DNAH11: variants seen among roughly 807,000 people sequenced by gnomAD.
DNAH11 encodes the protein dynein axonemal heavy chain 11, also known as axonemal beta dynein heavy chain 11.
A neutral mutation model predicts 526.0 loss-of-function variants in DNAH11; 442 were observed. The ratio of observed to expected loss-of-function variants is 0.84; its 90% CI spans 0.78 to 0.91. DNAH11 has a LOEUF of 0.91. Among genes scored for constraint, DNAH11 ranks in the 40% least tolerant of loss-of-function variants. The probability of loss-of-function intolerance (pLI) is 0.00; values close to 1 mark genes in which losing one functional copy is unlikely to be tolerated. For missense variants in DNAH11, 6,989 were observed against 5,448.7 expected (o/e 1.28, Z -8.90); for synonymous variants, 2,461 against 1,935.9 (o/e 1.27, Z -7.12).
intron 25 of DNAH11, among the ~76,000 whole-genome samples, chr7:21,628,275 C>G (rs1786445318): frequency 6.6e-6 from 1 of 151,938 alleles, no homozygotes; most frequent in South Asian, 2.1e-4. Flanking sequence ...GTTTGAATGC[C>G]TTTTATTTCT....
At chr7:21,714,739 A>G (rs1784587357) in intron 42 of DNAH11, among the ~76,000 whole-genome samples, 1 of 152,094 alleles carries the variant, frequency 6.6e-6, no homozygotes, top group African/African-American at 2.4e-5. Flanking sequence ...ATCACTAACC[A>G]TTTTACCTCA....
chr7:21,692,050 C>T (rs1022899443), intron 35 of DNAH11, among the ~76,000 whole-genome samples: 14 of 152,138 alleles, frequency 9.2e-5, no homozygotes, highest in South Asian at 2.1e-4. Flanking sequence ...GTATCCGTTA[C>T]GATTCACTTA....
chr7:21,829,776 A>G (rs1275587825), intron 65 of DNAH11, among the ~76,000 whole-genome samples: 4 of 152,190 alleles, frequency 2.6e-5, no homozygotes, highest in Non-Finnish European at 4.4e-5. Flanking sequence ...ATTTCAGATA[A>G]TAATCTCTAA....
intron 63 of DNAH11, among the ~76,000 whole-genome samples, chr7:21,809,183 T>C (rs796362169): frequency 2.8e-4 from 43 of 152,348 alleles, no homozygotes; most frequent in African/African-American, 9.6e-4. Context: ...TACATCTTCT[T>C]CTGAGAAAAA....
intron 61 of DNAH11, among the ~76,000 whole-genome samples, chr7:21,796,301 G>C (rs1195746934): frequency 6.6e-6 from 1 of 152,148 alleles, no homozygotes; most frequent in African/African-American, 2.4e-5. Flanking sequence ...CCATATATGA[G>C]AACTGCCACT....
intron 73 of DNAH11, among the ~76,000 whole-genome samples, chr7:21,872,278 C>G (rs1213443480): frequency 6.6e-6 from 1 of 151,742 alleles, no homozygotes; most frequent in Non-Finnish European, 1.5e-5. Flanking sequence ...TTCTGCCCAC[C>G]ACATCTACCA....
At chr7:21,691,719 CAT>C (rs2128475239) in intron 35 of DNAH11, among the ~76,000 whole-genome samples, 1 of 152,138 alleles carries the variant, frequency 6.6e-6, no homozygotes, top group East Asian at 1.9e-4. Context: ...CATATTTTAT[CAT>C]ATTATTAAAC....
At chr7:21,736,121 G>T (rs1785599146) in intron 46 of DNAH11, among the ~76,000 whole-genome samples, 1 of 152,148 alleles carries the variant, frequency 6.6e-6, no homozygotes, top group Non-Finnish European at 1.5e-5. Context: ...GAAACCACTG[G>T]TTGCTTTTAA....
chr7:21,688,133 T>C (rs892120434), intron 34 of DNAH11, among the ~76,000 whole-genome samples: 1 of 152,300 alleles, frequency 6.6e-6, no homozygotes, highest in African/African-American at 2.4e-5. Context: ...TCTTGACCTC[T>C]GGCAGCATCT....
chr7:21,759,050 G>T (rs1786769787), intron 54 of DNAH11, among the ~76,000 whole-genome samples: 1 of 152,208 alleles, frequency 6.6e-6, no homozygotes, highest in African/African-American at 2.4e-5. Flanking sequence ...CTTATACGTT[G>T]TTATGGGGCT....
intron 61 of DNAH11, among the ~76,000 whole-genome samples, chr7:21,795,150 G>A (rs567681246): frequency 2.6e-5 from 4 of 152,100 alleles, no homozygotes; most frequent in South Asian, 2.1e-4. Flanking sequence ...TTTGCACAAC[G>A]ATTCTTAGGT....
At chr7:21,622,466 C>G (rs1464095450) in intron 25 of DNAH11, among the ~76,000 whole-genome samples, 3 of 152,154 alleles carry the variant, frequency 2.0e-5, no homozygotes, top group African/African-American at 7.2e-5. Context: ...TTGGAAAAAA[C>G]TACTTTAAAG....
rs1583806885 is a variant in DNAH11, at chr7:21,880,747, CT to C, written c.12247del (p.Ser4083LeufsTer13). 6.2e-7 allele frequency: 1 copy of C among 1,613,808 alleles called. No individual in the cohort carries two copies. Among genetic ancestry groups the C allele is most frequent in the African/African-American group, 1.3e-5 (1 of 74,912 alleles). ...CSKEQEFKSI[L>X]FSLCYFHACV... ...CAAGGAGCAGGAGTTTAAAAGCATC[CT>C]TTTTTCTCTCTGCTACTTCCACGCC... On this transcript the variant is annotated frameshift_variant, in exon 75 of 82. Coordinates refer to ENST00000409508, the MANE Select transcript of DNAH11 (RefSeq NM_001277115.2). LOFTEE classifies it high-confidence loss of function.
chr7:21,596,406 A>G (rs1784863712), intron 14 of DNAH11, among the ~76,000 whole-genome samples: 1 of 152,206 alleles, frequency 6.6e-6, no homozygotes, highest in Non-Finnish European at 1.5e-5. Flanking sequence ...TCTAGAAATT[A>G]ATTTGTTTTT....
chr7:21,749,254 G>A (rs1228009236), intron 52 of DNAH11, among the ~76,000 whole-genome samples: 4 of 152,134 alleles, frequency 2.6e-5, no homozygotes, highest in African/African-American at 9.7e-5. Context: ...TTTGTGCCAA[G>A]TGATATTTTA....
In DNAH11 at chr7:21,901,178, G is replaced by A. The variant is rs1220464771; in HGVS notation, c.13475G>A (p.Trp4492Ter). The A allele has an allele frequency of 1.2e-6, 2 of 1,613,766 alleles. No homozygotes were observed. The highest frequency in any genetic ancestry group is 1.7e-6 in the Non-Finnish European group (2 of 1,179,856). Residue 4492 changes from tryptophan to a stop codon, truncating the protein, a stop_gained, in exon 82 of 82, where the codon TGG (tryptophan) becomes TAG (stop). Coordinates refer to ENST00000409508, the MANE Select transcript of DNAH11 (RefSeq NM_001277115.2). LOFTEE classifies it high-confidence loss of function. ...AAACTGAGAGGCCCCAGCTACATCT[G>A]GACCTTCAGGCTGAAGAGCGAAGAG... is the stretch of plus-strand genomic sequence containing the variant. ...RTKLRGPSYI[W>*]TFRLKSEEKT...
At chr7:21,571,750 TA>T in intron 7 of DNAH11, 55 bp from the exon 8 acceptor site, 1 of 1,347,480 alleles carries the variant, frequency 7.4e-7, no homozygotes, top group Non-Finnish European at 9.9e-7. Context: ...TTTGAAACTT[TA>T]AAATATTTTG....
chr7:21,723,299 A>G (rs913945102), intron 44 of DNAH11, among the ~76,000 whole-genome samples: 2 of 152,218 alleles, frequency 1.3e-5, no homozygotes, highest in Non-Finnish European at 2.9e-5. Flanking sequence ...CAAATAAGGA[A>G]CTGAAGCTTA....
intron 25 of DNAH11, among the ~76,000 whole-genome samples, chr7:21,626,994 T>C (rs6964398): frequency 0.45 from 67,778 of 151,754 alleles, 15,601 homozygotes; most frequent in East Asian, 0.61. Context: ...TCGTGATCTG[T>C]GTGCCTCTGC....
Sources: gnomAD v4.1 joint callset for allele counts (sites outside exome capture counted in the v4.1 genomes callset) on GRCh38, gnomAD v4.1.1 for gene constraint, MANE v1.5 for transcripts, NCBI Gene and HGNC (gene_info 2026-07-23, HGNC 2026-07-21) for gene names.